Variants in DNAJC21 observed in about 807,000 individuals in gnomAD.
DNAJC21 encodes DnaJ heat shock protein family (Hsp40) member C21, also known as dnaJ homolog subfamily C member 21.
DNAJC21 carries 63 observed loss-of-function variants against 72.4 expected under a neutral mutation model. The ratio of observed to expected loss-of-function variants is 0.87; its 90% CI spans 0.71 to 1.07. DNAJC21 has a LOEUF of 1.07. DNAJC21 is among the 50% of genes least tolerant of loss of function. The pLI is 0.00. For synonymous variants in DNAJC21, 203 were observed against 216.7 expected, an observed-to-expected ratio of 0.94 and a Z score of 0.56; for missense variants, 634 against 644.8, an observed-to-expected ratio of 0.98 and a Z score of 0.18.
chr5:34,930,425 A>C (rs1561178596), intron 1 of DNAJC21: 2 of 151,554 alleles, frequency 1.3e-5, no homozygotes, highest in African/African-American at 4.9e-5. Flanking sequence ...ATATCTTTTC[A>C]ATAGGGATGC....
chr5:34,944,194 C>T (rs531435160), intron 7 of DNAJC21, among the ~76,000 whole-genome samples: 1 of 152,242 alleles, frequency 6.6e-6, no homozygotes, highest in Admixed American at 6.5e-5. Flanking sequence ...ACATTGCCAG[C>T]AGGGTTTTGA....
chr5:34,951,298 C>T (rs1765356636), intron 10 of DNAJC21: 1 of 985,310 alleles, frequency 1.0e-6, no homozygotes, highest in South Asian at 4.7e-5. Context: ...TGTTCCCTTT[C>T]TACAAATGGG....
At chr5:34,953,080 G>GCAGAGGTTGCAGTGAGC (rs1765430850) in intron 10 of DNAJC21, among the ~76,000 whole-genome samples, 1 of 151,950 alleles carries the variant, frequency 6.6e-6, no homozygotes, top group Admixed American at 6.6e-5. Flanking sequence ...AACCCGGGAG[G>GCAGAGGTTGCAGTGAGC]CAGAGGTTGC....
intron 1 of DNAJC21, 46 bp downstream of exon 1, chr5:34,929,962 G>A: frequency 1.4e-6 from 2 of 1,477,272 alleles, no homozygotes; most frequent in South Asian, 1.2e-5. Flanking sequence ...GAGAAGCCCG[G>A]CCCTCCCCGA....
intron 2 of DNAJC21, among the ~76,000 whole-genome samples, chr5:34,935,391 A>G (rs923274511): frequency 3.9e-5 from 6 of 152,136 alleles, no homozygotes; most frequent in Non-Finnish European, 4.4e-5. Flanking sequence ...CAGATTTCCT[A>G]TGTCCTGTTT....
intron 11 of DNAJC21, 152 bp downstream of exon 11, chr5:34,954,153 CT>C (rs947474240): frequency 2.3e-4 from 136 of 593,822 alleles, no homozygotes; most frequent in South Asian, 5.6e-4. Context: ...TATAATGTAT[CT>C]TTTTTTTTCA....
chr5:34,929,800 G>GCCGC lies in DNAJC21; in HGVS notation c.-12_-9dup, dbSNP rs752076217. The stretch of plus-strand genomic sequence containing the variant: ...GACCCCGTCCCGGGCCCCAGCGCCG[G>GCCGC]CCGCCCGCCCGGTCGGGCGATGAAG... On this transcript the variant is annotated 5_prime_UTR_variant, in exon 1 of 12. Transcript: ENST00000648817. 8.7e-6 allele frequency: 12 copies of GCCGC among 1,371,820 alleles called. No homozygotes were observed. In the East Asian group the frequency reaches 1.7e-4, roughly 19 times the overall value. The allele number at this position is 1,371,820 out of a possible 1,614,324, so 85.0% of individuals were successfully genotyped here.
In DNAJC21 at chr5:34,945,015, C is replaced by T; in HGVS notation, c.1132C>T (p.Pro378Ser). The T allele has an allele frequency of 6.2e-7, 1 of 1,612,682 alleles. No homozygotes were observed. The highest frequency in any genetic ancestry group is 8.5e-7 in the Non-Finnish European group (1 of 1,179,714). ...TTCTGAGGAAGAAATGGAAGATGCA[C>T]CAAAACAAAAGTACTTCTAAATATT... ...DNSEEEMEDA[P>S]KQKLSKKQKK... The change falls in exon 8 of 12, where the codon CCA (proline) becomes TCA (serine). Residue 378 changes from proline to serine, a missense_variant. Transcript: ENST00000648817.
In DNAJC21 at chr5:34,954,003, T is replaced by C; in HGVS notation, c.1434+2T>C. 6.2e-7 allele frequency: 1 copy of C among 1,606,658 alleles called. No homozygotes were observed. Among genetic ancestry groups the C allele is most frequent in the Non-Finnish European group, 8.5e-7 (1 of 1,176,918 alleles). On this transcript the variant is annotated splice_donor_variant, in intron 11 of 11. Transcript: ENST00000648817. LOFTEE classifies it high-confidence loss of function. The stretch of plus-strand genomic sequence containing the variant: ...GTACCTGCTGAACCACAAACAATGG[T>C]AGGTCAAAATCATATTCATATCTCT...
rs1323674416 is a variant in DNAJC21, at chr5:34,938,256, A to G, written c.744-602A>G. Among the ~76,000 whole-genome samples, 2 of 152,214 alleles carry G rather than the reference A, an allele frequency of 1.3e-5. 1 individual carries two copies. Among genetic ancestry groups the G allele is most frequent in the African/African-American group, 4.8e-5 (2 of 41,458 alleles). On this transcript the variant is annotated intron_variant, in intron 5 of 11. Transcript: ENST00000648817. ...CGTTCTAAGTGCCTTCCTCACAGCA[A>G]TGCTGTGAAGTACTTATCCTCCTTG...
chr5:34,945,696 T>A, intron 8 of DNAJC21, 65 bp from the exon 9 acceptor site: 1 of 1,446,076 alleles, frequency 6.9e-7, no homozygotes. Context: ...TTTCAACTTT[T>A]TTTTTTTTCC....
chr5:34,957,178 G>C lies in DNAJC21; in HGVS notation c.*2464G>C, dbSNP rs1336719935. On this transcript the variant is annotated 3_prime_UTR_variant, in exon 12 of 12. Coordinates refer to ENST00000648817, the MANE Select transcript of DNAJC21 (RefSeq NM_001012339.3). ...GAATTGCAGACATTTAATTTCACTT[G>C]TCTGAGGTAAAACAATAAACTAAAA... is the stretch of plus-strand genomic sequence containing the variant. The C allele has an allele frequency of 1.3e-5, 2 of 152,156 alleles. No individual in the cohort carries two copies. Among genetic ancestry groups the C allele is most frequent in the Non-Finnish European group, 2.9e-5 (2 of 68,012 alleles). 9.4% of individuals were successfully genotyped at this position (152,156 alleles called of 1,614,324 possible).
rs1350020927 is a variant in DNAJC21 at position 34,929,568 on chromosome 5, G to GGCGGCCGCCGGCACC, written c.-249_-235dup. On this transcript the variant is annotated 5_prime_UTR_variant, in exon 1 of 12. Transcript: ENST00000648817. ...AGCCCACCCCTAGCCCATGCGAAGC[G>GGCGGCCGCCGGCACC]GCGGCCGCCGGCACCGCCCCCGCCG... 1.3e-5 allele frequency: 2 copies of GGCGGCCGCCGGCACC among 150,562 alleles called. No homozygotes were observed. The highest frequency in any genetic ancestry group is 4.9e-5 in the African/African-American group (2 of 40,536). The allele number at this position is 150,562 out of a possible 1,614,324, so 9.3% of individuals were successfully genotyped here.
chr5:34,931,046 ATGG>A (rs1043969517), intron 1 of DNAJC21, among the ~76,000 whole-genome samples: 24 of 152,322 alleles, frequency 1.6e-4, no homozygotes, highest in African/African-American at 5.8e-4. Flanking sequence ...GGAGGATAGC[ATGG>A]TGGAGGACAA....
chr5:34,939,229 T>C (rs1422744234), intron 6 of DNAJC21, among the ~76,000 whole-genome samples: 1 of 152,192 alleles, frequency 6.6e-6, no homozygotes, highest in Non-Finnish European at 1.5e-5. Flanking sequence ...AGCTGCATAA[T>C]ATGACAAATG....
chr5:34,939,512 G>A (rs980596777), intron 6 of DNAJC21, among the ~76,000 whole-genome samples: 3 of 152,068 alleles, frequency 2.0e-5, no homozygotes, highest in South Asian at 2.1e-4. Flanking sequence ...TGATCCACCC[G>A]CCTCGACCTC....
At chr5:34,943,540 A>G (rs1257716981) in intron 7 of DNAJC21, among the ~76,000 whole-genome samples, 1 of 152,158 alleles carries the variant, frequency 6.6e-6, no homozygotes, top group African/African-American at 2.4e-5. Flanking sequence ...TAGAGTTAGT[A>G]TTTTTTCCCT....
At chr5:34,948,308 T>C (rs1421201722) in intron 9 of DNAJC21, among the ~76,000 whole-genome samples, 2 of 152,138 alleles carry the variant, frequency 1.3e-5, no homozygotes, top group Non-Finnish European at 2.9e-5. Context: ...CACTTTTCCA[T>C]GAAAAGGAAA....
At position 34,957,725 on chromosome 5, in the gene DNAJC21, A is replaced by G. The variant is rs1056837764; in HGVS notation, c.*3011A>G. The G allele has an allele frequency of 1.3e-5, 2 of 152,232 alleles. No individual in the cohort carries two copies. The highest frequency in any genetic ancestry group is 2.4e-5 in the African/African-American group (1 of 41,458). 9.4% of individuals were successfully genotyped at this position (152,232 alleles called of 1,614,324 possible). On this transcript the variant is annotated 3_prime_UTR_variant, in exon 12 of 12. Coordinates refer to ENST00000648817, the MANE Select transcript of DNAJC21 (RefSeq NM_001012339.3). ...ACGCAGGAAGTAAAATTCCTATAGCAAGACATAGTTTCATTTTAGAGGACC... is the reference window on the plus strand; with the variant it reads ...ACGCAGGAAGTAAAATTCCTATAGCGAGACATAGTTTCATTTTAGAGGACC...
Sources: allele counts gnomAD v4.1 joint callset (sites outside exome capture counted in the v4.1 genomes callset), GRCh38; gene constraint gnomAD v4.1.1; transcripts MANE v1.5; gene names NCBI Gene and HGNC (gene_info 2026-07-23, HGNC 2026-07-21).